The following LSAMP variants were observed in gnomAD, a reference collection of about 807,000 sequenced individuals.
The protein encoded by LSAMP is limbic system-associated membrane protein.
Under a neutral mutation model 38.6 loss-of-function variants are expected in LSAMP, and 7 were observed. The ratio of observed to expected loss-of-function variants is 0.18; its 90% CI spans 0.10 to 0.34. The LOEUF is 0.34. LSAMP is among the 10% of genes least tolerant of loss of function. The pLI is 1.00. For synonymous variants in LSAMP, 154 were observed against 166.8 expected (o/e 0.92, Z 0.59); for missense variants, 313 against 420.0 (o/e 0.75, Z 2.23).
intron 1 of LSAMP, among the ~76,000 whole-genome samples, chr3:116,282,311 G>A (rs1402743846): frequency 1.3e-5 from 2 of 151,952 alleles, no homozygotes; most frequent in African/African-American, 4.8e-5. Context: ...ATATATCTTG[G>A]GGAGGCAGCC....
intron 3 of LSAMP, among the ~76,000 whole-genome samples, chr3:115,957,561 T>A (rs1490061410): frequency 6.6e-6 from 1 of 152,132 alleles, no homozygotes; most frequent in Admixed American, 6.5e-5. Context: ...TTCATCAGTA[T>A]TCTTGCTATC....
At chr3:116,294,008 T>C (rs2107697156) in intron 1 of LSAMP, among the ~76,000 whole-genome samples, 1 of 152,238 alleles carries the variant, frequency 6.6e-6, no homozygotes, top group Non-Finnish European at 1.5e-5. Flanking sequence ...ATTTACTTCA[T>C]TGGTTGTTTG....
At chr3:116,156,593 G>C (rs887791878) in intron 1 of LSAMP, among the ~76,000 whole-genome samples, 1 of 152,030 alleles carries the variant, frequency 6.6e-6, no homozygotes, top group Non-Finnish European at 1.5e-5. Flanking sequence ...GGTTCAAAGT[G>C]CTACATTTTT....
chr3:116,320,752 C>T (rs2047696749), intron 1 of LSAMP, among the ~76,000 whole-genome samples: 1 of 152,138 alleles, frequency 6.6e-6, no homozygotes, highest in Admixed American at 6.5e-5. Flanking sequence ...AGCCCAAACC[C>T]CACCTTCATT....
chr3:115,974,514 A>G (rs1489786265), intron 3 of LSAMP, among the ~76,000 whole-genome samples: 1 of 152,076 alleles, frequency 6.6e-6, no homozygotes, highest in Non-Finnish European at 1.5e-5. Flanking sequence ...ATCTGTGACT[A>G]TTTTTTCCAA....
intron 3 of LSAMP, among the ~76,000 whole-genome samples, chr3:115,898,233 T>TA (rs1368328843): frequency 2.0e-5 from 3 of 152,124 alleles, no homozygotes; most frequent in Admixed American, 6.6e-5. Context: ...ACACTGGATT[T>TA]AAAAAAATTA....
At chr3:116,026,126 T>C (rs779402706) in intron 2 of LSAMP, among the ~76,000 whole-genome samples, 33 of 152,136 alleles carry the variant, frequency 2.2e-4, no homozygotes, top group Non-Finnish European at 4.1e-4. Flanking sequence ...AATGGTGATT[T>C]CTGAAATAAT....
At chr3:116,057,065 G>A (rs35780065) in intron 2 of LSAMP, among the ~76,000 whole-genome samples, 19,172 of 152,124 alleles carry the variant, frequency 0.13, 1,318 homozygotes, top group Non-Finnish European at 0.15. Context: ...CCTTGTCTGT[G>A]GCAACTGCTG....
chr3:116,269,240 T>C (rs952632419), intron 1 of LSAMP, among the ~76,000 whole-genome samples: 3 of 152,092 alleles, frequency 2.0e-5, no homozygotes, highest in Admixed American at 2.0e-4. Context: ...ATAAGCCTTG[T>C]GATAATAAGC....
chr3:116,338,764 G>A (rs2047953970), intron 1 of LSAMP, among the ~76,000 whole-genome samples: 1 of 152,024 alleles, frequency 6.6e-6, no homozygotes. Flanking sequence ...AATGCTGAAG[G>A]AAGCTGACAA....
intron 1 of LSAMP, among the ~76,000 whole-genome samples, chr3:116,433,253 AG>A (rs893826169): frequency 5.9e-5 from 9 of 152,160 alleles, no homozygotes; most frequent in Non-Finnish European, 1.3e-4. Flanking sequence ...TGTTTCTAGT[AG>A]GATAGGGTGG....
chr3:115,815,353 T>G (rs1006986749), intron 6 of LSAMP, among the ~76,000 whole-genome samples: 4 of 152,144 alleles, frequency 2.6e-5, no homozygotes, highest in African/African-American at 7.2e-5. Context: ...CCTGGGGCCA[T>G]ATCCCCTGAG....
At chr3:116,264,219 C>A (rs1033022826) in intron 1 of LSAMP, among the ~76,000 whole-genome samples, 8 of 152,062 alleles carry the variant, frequency 5.3e-5, no homozygotes, top group African/African-American at 1.9e-4. Flanking sequence ...TCTAGGTGAA[C>A]CCTAAAAATG....
chr3:115,894,083 A>T (rs1936668946), intron 3 of LSAMP, among the ~76,000 whole-genome samples: 1 of 152,004 alleles, frequency 6.6e-6, no homozygotes, highest in South Asian at 2.1e-4. Context: ...ATTCTGCAGT[A>T]TTATTTGAAT....
At position 115,810,371 on chromosome 3, in the gene LSAMP, G is replaced by C; in HGVS notation, c.963C>G (p.Ala321=). The C allele has an allele frequency of 6.2e-7, 1 of 1,613,662 alleles. No individual in the cohort carries two copies. Among genetic ancestry groups the C allele is most frequent in the Non-Finnish European group, 8.5e-7 (1 of 1,179,738 alleles). ...ATGCTGCCAGCAGCCACAGTGGTAC[G>C]GCCAGACTGATGGATCCATTTATTC... The part of the protein sequence containing the change: ...VRGINGSISL[A]VPLWLLAASL... The change falls in exon 7 of 7, where the codon GCC becomes GCG. Residue 321 remains alanine, a synonymous_variant. Coordinates refer to ENST00000490035, the MANE Select transcript of LSAMP (RefSeq NM_002338.5).
chr3:116,167,645 T>C (rs1710092659), intron 1 of LSAMP, among the ~76,000 whole-genome samples: 1 of 152,236 alleles, frequency 6.6e-6, no homozygotes, highest in Admixed American at 6.5e-5. Flanking sequence ...GACCAATTAC[T>C]ATATAAGTGA....
At chr3:115,819,109 C>A (rs540273024) in intron 6 of LSAMP, among the ~76,000 whole-genome samples, 2 of 150,574 alleles carry the variant, frequency 1.3e-5, no homozygotes, top group Non-Finnish European at 3.0e-5. Flanking sequence ...GAGATCAGGC[C>A]CTTGCACTCC....
chr3:115,823,644 A>T (rs963854387), intron 6 of LSAMP, among the ~76,000 whole-genome samples: 2 of 152,152 alleles, frequency 1.3e-5, no homozygotes, highest in Non-Finnish European at 2.9e-5. Flanking sequence ...CATTTTTTTA[A>T]AAAAAACCTT....
chr3:116,300,979 A>G (rs2047400230), intron 1 of LSAMP, among the ~76,000 whole-genome samples: 1 of 151,852 alleles, frequency 6.6e-6, no homozygotes, highest in African/African-American at 2.4e-5. Context: ...TATAATAAAT[A>G]TTATTTTTAA....
Sources: gnomAD v4.1 joint callset for allele counts (sites outside exome capture counted in the v4.1 genomes callset) on GRCh38, gnomAD v4.1.1 for gene constraint, MANE v1.5 for transcripts, NCBI Gene and HGNC (gene_info 2026-07-23, HGNC 2026-07-21) for gene names.